The following TRIM9 variants were observed in gnomAD, a reference collection of about 807,000 sequenced individuals.
TRIM9 encodes E3 ubiquitin-protein ligase TRIM9.
TRIM9 carries 26 observed loss-of-function variants against 78.3 expected under a neutral mutation model. That is an observed-to-expected ratio of 0.33 (90% CI 0.24 to 0.46). TRIM9 has a LOEUF of 0.46. Among genes scored for constraint, TRIM9 ranks in the 20% least tolerant of loss-of-function variants. The pLI is 1.00. For synonymous variants in TRIM9, 398 were observed against 416.5 expected (o/e 0.96, Z 0.54); for missense variants, 787 against 1,036.4 (o/e 0.76, Z 3.30).
At chr14:50,998,955 G>A (rs557629325) in intron 6 of TRIM9, among the ~76,000 whole-genome samples, 1 of 152,136 alleles carries the variant, frequency 6.6e-6, no homozygotes, top group Non-Finnish European at 1.5e-5. Flanking sequence ...AGAAGACCAC[G>A]GTCTTGGATC....
At chr14:51,022,522 C>T (rs1310192229) in intron 3 of TRIM9, among the ~76,000 whole-genome samples, 1 of 152,178 alleles carries the variant, frequency 6.6e-6, no homozygotes, top group Non-Finnish European at 1.5e-5. Flanking sequence ...AGACACTTAT[C>T]TTGTTTATTA....
rs746028500 is a variant in TRIM9 at position 51,094,318 on chromosome 14, G to C, written c.622C>G (p.Arg208Gly). 3 of 1,613,644 alleles carry C rather than the reference G, an allele frequency of 1.9e-6. No homozygotes were observed. In the Admixed American group the frequency reaches 5.0e-5, roughly 27 times the overall value. ...HPPRGPLAKH[R>G]LVPPAQGRVS... The stretch of plus-strand genomic sequence containing the variant: ...CGACCCTGGGCCGGGGGCACCAGGC[G>C]GTGCTTGGCTAGGGGCCCCCGGGGC... Residue 208 changes from arginine (R) to glycine (G), a missense_variant, in exon 1 of 13, where the codon CGC becomes GGC. Around this residue, in one of 3 missense-constraint regions of TRIM9, gnomAD observed 352 missense variants for 472.3 expected, o/e 0.75. Transcript: ENST00000684578.
intron 1 of TRIM9, among the ~76,000 whole-genome samples, chr14:51,069,801 G>A (rs1365853836): frequency 6.6e-6 from 1 of 152,170 alleles, no homozygotes; most frequent in Non-Finnish European, 1.5e-5. Flanking sequence ...CAATTACTGA[G>A]AGCAATCTTC....
At chr14:51,007,995 CT>C (rs2056059220) in intron 5 of TRIM9, among the ~76,000 whole-genome samples, 1 of 152,094 alleles carries the variant, frequency 6.6e-6, no homozygotes, top group African/African-American at 2.4e-5. Flanking sequence ...AGAAACAAAC[CT>C]TTTAAAGCAC....
At chr14:51,011,253 G>A (rs1379650450) in intron 3 of TRIM9, among the ~76,000 whole-genome samples, 2 of 152,200 alleles carry the variant, frequency 1.3e-5, no homozygotes, top group African/African-American at 4.8e-5. Context: ...CTAAGAAGCT[G>A]TCTGTGCTTG....
chr14:51,083,961 T>C (rs1439640393), intron 1 of TRIM9, among the ~76,000 whole-genome samples: 1 of 152,184 alleles, frequency 6.6e-6, no homozygotes, highest in African/African-American at 2.4e-5. Context: ...AATCTCAAAA[T>C]GTTGTGTTAA....
At chr14:51,018,638 T>C (rs2057454842) in intron 3 of TRIM9, among the ~76,000 whole-genome samples, 1 of 152,188 alleles carries the variant, frequency 6.6e-6, no homozygotes, top group Non-Finnish European at 1.5e-5. Context: ...AATCAAGCAT[T>C]CTACAGATAG....
At chr14:51,065,223 A>G (rs767712529) in intron 1 of TRIM9, among the ~76,000 whole-genome samples, 45 of 152,296 alleles carry the variant, frequency 3.0e-4, no homozygotes, top group Non-Finnish European at 1.5e-5. Flanking sequence ...ATATGTGTGA[A>G]ATGTTCCAGG....
intron 1 of TRIM9, among the ~76,000 whole-genome samples, chr14:51,070,431 A>C (rs562402488): frequency 2.6e-5 from 4 of 152,276 alleles, no homozygotes; most frequent in African/African-American, 9.6e-5. Flanking sequence ...TCATTAATTC[A>C]GTGTACTTGG....
intron 7 of TRIM9, among the ~76,000 whole-genome samples, chr14:50,990,852 G>T (rs1183182825): frequency 6.6e-6 from 1 of 152,208 alleles, no homozygotes; most frequent in African/African-American, 2.4e-5. Context: ...AAAATAATTT[G>T]CTTTTGTTGG....
chr14:51,050,063 G>T (rs1008822254), intron 1 of TRIM9, among the ~76,000 whole-genome samples: 1 of 151,952 alleles, frequency 6.6e-6, no homozygotes, highest in Non-Finnish European at 1.5e-5. Context: ...TTTAGTGGGG[G>T]ATTGATATTG....
chr14:51,026,075 G>A (rs370088505), intron 1 of TRIM9, among the ~76,000 whole-genome samples: 198 of 152,274 alleles, frequency 1.3e-3, no homozygotes, highest in Non-Finnish European at 2.1e-3. Context: ...CTCCTCGTCC[G>A]CTGGGGAGGC....
rs1428669300 is a variant in TRIM9, at chr14:51,078,661, A to G, written c.822+15457T>C. Among the ~76,000 whole-genome samples the G allele has an allele frequency of 2.6e-5, 4 of 152,236 alleles. No homozygotes were observed. In the East Asian group the frequency reaches 7.7e-4, roughly 29 times the overall value. ...ACTGTACAACATACAACGATATTGT[A>G]TGATATTTTAAAGTATTACTTACGT... On this transcript the variant is annotated intron_variant, in intron 1 of 12. Transcript: ENST00000684578.
At chr14:51,016,470 C>G (rs936127671) in intron 3 of TRIM9, among the ~76,000 whole-genome samples, 1 of 145,870 alleles carries the variant, frequency 6.9e-6, no homozygotes, top group Non-Finnish European at 1.5e-5. Context: ...CCCCCCCACC[C>G]CCTACCCCCC....
chr14:51,030,220 G>A (rs920670576), intron 1 of TRIM9, among the ~76,000 whole-genome samples: 1 of 152,202 alleles, frequency 6.6e-6, no homozygotes, highest in African/African-American at 2.4e-5. Context: ...AGTAAAGGAA[G>A]GAGACCTCAC....
chr14:51,001,235 T>C (rs1435221360), intron 5 of TRIM9, among the ~76,000 whole-genome samples: 2 of 151,174 alleles, frequency 1.3e-5, no homozygotes, highest in Non-Finnish European at 1.5e-5. Flanking sequence ...ATAATTTTTT[T>C]TTTTTTTTTT....
chr14:51,050,727 ACT>A (rs2060347450), intron 1 of TRIM9, among the ~76,000 whole-genome samples: 1 of 150,270 alleles, frequency 6.7e-6, no homozygotes, highest in Admixed American at 6.6e-5. Flanking sequence ...CTTCTCCCTC[ACT>A]CTCTCTGTTT....
intron 1 of TRIM9, among the ~76,000 whole-genome samples, chr14:51,044,701 A>G (rs980229372): frequency 2.6e-5 from 4 of 152,168 alleles, no homozygotes; most frequent in Admixed American, 6.5e-5. Context: ...CATTGTATTT[A>G]TATTATGTGA....
At chr14:51,065,014 C>T (rs919152782) in intron 1 of TRIM9, among the ~76,000 whole-genome samples, 2 of 152,140 alleles carry the variant, frequency 1.3e-5, no homozygotes, top group Non-Finnish European at 2.9e-5. Context: ...AGCCAGCTGG[C>T]TTTACAGTCC....
Sources: allele counts gnomAD v4.1 joint callset (sites outside exome capture counted in the v4.1 genomes callset), GRCh38; gene constraint gnomAD v4.1.1; regional missense constraint gnomAD v4.1.1; transcripts MANE v1.5; gene names NCBI Gene and HGNC (gene_info 2026-07-23, HGNC 2026-07-21).